The following ARFGAP3 variants were observed in gnomAD, a reference collection of about 807,000 sequenced individuals.
ARFGAP3 encodes ARF GTPase activating protein 3.
In ARFGAP3, 72 loss-of-function variants were observed where a neutral mutation model predicts 75.0. That is an observed-to-expected ratio of 0.96 (90% confidence interval 0.79 to 1.17). ARFGAP3 has a LOEUF of 1.17. Among genes scored for constraint, ARFGAP3 ranks in the 50% most tolerant of loss-of-function variants. The probability of loss-of-function intolerance (pLI) is 0.00; values close to 1 mark genes in which losing one functional copy is unlikely to be tolerated. For missense variants in ARFGAP3, 620 were observed against 626.6 expected (o/e 0.99, Z 0.11); for synonymous variants, 221 against 217.9 (o/e 1.01, Z -0.13).
intron 3 of ARFGAP3, among the ~76,000 whole-genome samples, chr22:42,837,838 G>A (rs1484622192): frequency 6.6e-6 from 1 of 151,402 alleles, no homozygotes; most frequent in African/African-American, 2.4e-5. Context: ...GCACCACTAT[G>A]CCTGGCTAAT....
chr22:42,801,924 T>C (rs1347646995), intron 14 of ARFGAP3, among the ~76,000 whole-genome samples: 1 of 152,006 alleles, frequency 6.6e-6, no homozygotes, highest in Non-Finnish European at 1.5e-5. Context: ...AAGAAGAGCA[T>C]TCTGGGCTGG....
chr22:42,809,811 T>G (rs966224543), intron 12 of ARFGAP3, among the ~76,000 whole-genome samples: 34 of 151,270 alleles, frequency 2.2e-4, no homozygotes, highest in East Asian at 3.9e-4. Context: ...AGACCATCCT[T>G]GCTAACATGG....
At chr22:42,823,219 A>G (rs1853760399) in intron 8 of ARFGAP3, among the ~76,000 whole-genome samples, 1 of 152,100 alleles carries the variant, frequency 6.6e-6, no homozygotes. Context: ...ATATAAGTTA[A>G]GGAATGTGGC....
In ARFGAP3 at chr22:42,822,416, C is replaced by T. The variant is rs779276036; in HGVS notation, c.673-7G>A. 5 of 1,613,346 alleles carry T rather than the reference C, an allele frequency of 3.1e-6. No homozygotes were observed. The highest frequency in any genetic ancestry group is 3.4e-6 in the Non-Finnish European group (4 of 1,179,824). On this transcript the variant is annotated splice_polypyrimidine_tract_variant and splice_region_variant and intron_variant, in intron 8 of 15. Coordinates refer to ENST00000263245, the MANE Select transcript of ARFGAP3 (RefSeq NM_014570.5). ...TTCCTTTTTTGGCCCCAAGCTAGAACATATATAAGACTATAGTCTACACGA... is the reference window on the plus strand; with the variant it reads ...TTCCTTTTTTGGCCCCAAGCTAGAATATATATAAGACTATAGTCTACACGA...
chr22:42,834,948 G>A (rs972704094), intron 4 of ARFGAP3, among the ~76,000 whole-genome samples: 1 of 152,230 alleles, frequency 6.6e-6, no homozygotes, highest in African/African-American at 2.4e-5. Flanking sequence ...CATGAAGGCT[G>A]TGATGTGCCT....
At chr22:42,849,086 G>T (rs916957299) in intron 1 of ARFGAP3, among the ~76,000 whole-genome samples, 1 of 152,280 alleles carries the variant, frequency 6.6e-6, no homozygotes, top group East Asian at 1.9e-4. Context: ...AACTGCCAGC[G>T]AGGAGAGGAG....
chr22:42,814,746 C>CT (rs1221489259), intron 11 of ARFGAP3, among the ~76,000 whole-genome samples: 1 of 151,868 alleles, frequency 6.6e-6, no homozygotes, highest in Non-Finnish European at 1.5e-5. Context: ...GAAACTTTCT[C>CT]TTTTTTTTGA....
chr22:42,837,675 C>CTTTTTTTTTTTTTTT (rs71186547), intron 3 of ARFGAP3, among the ~76,000 whole-genome samples: 921 of 75,646 alleles, frequency 0.012, 139 homozygotes, highest in East Asian at 0.051. Flanking sequence ...AGGCATACTT[C>CTTTTTTTTTTTTTTT]TTTTTTTTTT....
chr22:42,821,912 A>C (rs949508337), intron 9 of ARFGAP3, among the ~76,000 whole-genome samples: 14 of 152,126 alleles, frequency 9.2e-5, no homozygotes, highest in Non-Finnish European at 2.1e-4. Flanking sequence ...TGATTTTTTT[A>C]TTATAGCTTC....
chr22:42,826,950 C>T lies in ARFGAP3; in HGVS notation c.615G>A (p.Lys205=). 5 of 1,613,154 alleles carry T rather than the reference C, an allele frequency of 3.1e-6. No individual in the cohort carries two copies. The highest frequency in any genetic ancestry group is 4.2e-6 in the Non-Finnish European group (5 of 1,179,692). Residue 205 remains lysine (K), a synonymous_variant, in exon 7 of 16, where the codon AAG becomes AAA. Coordinates refer to ENST00000263245, the MANE Select transcript of ARFGAP3 (RefSeq NM_014570.5). ...PSVEGLNVPT[K]ATLEVSSIIK... ...TTTTAAGCATATTACCTAAAGTAGC[C>T]TTTGTTGGTACATTAAGACCTTCCA...
chr22:42,814,946 C>A (rs1172589320), intron 11 of ARFGAP3, among the ~76,000 whole-genome samples: 1 of 152,192 alleles, frequency 6.6e-6, no homozygotes, highest in Non-Finnish European at 1.5e-5. Context: ...CTATATTTCC[C>A]AGTCTGGTCC....
At chr22:42,831,718 A>G in intron 5 of ARFGAP3, 82 bp from the exon 6 acceptor site, 1 of 1,588,274 alleles carries the variant, frequency 6.3e-7, no homozygotes, top group Non-Finnish European at 8.6e-7. Context: ...GGAAAAACCT[A>G]ACAATTTAAA....
At chr22:42,831,666 G>A in intron 5 of ARFGAP3, 30 bp from the exon 6 acceptor site, 1 of 1,612,206 alleles carries the variant, frequency 6.2e-7, no homozygotes, top group Non-Finnish European at 8.5e-7. Flanking sequence ...GTCATTAGCA[G>A]ACAAAGCAAG....
intron 2 of ARFGAP3, among the ~76,000 whole-genome samples, chr22:42,845,139 GAA>G (rs1168127664): frequency 6.6e-6 from 1 of 152,224 alleles, no homozygotes; most frequent in Admixed American, 6.5e-5. Flanking sequence ...AAGACAGAAG[GAA>G]GAGAAGTAAC....
Position 42,815,736 on chromosome 22 carries a change from C to T in ARFGAP3, c.1064+1406G>A, listed in dbSNP as rs575659238. On this transcript the variant is annotated intron_variant, in intron 11 of 15. Coordinates refer to ENST00000263245, the MANE Select transcript of ARFGAP3 (RefSeq NM_014570.5). ...CCTTCCAGTAAGCACCGCCCATTTC[C>T]GACAGGAACACCTTCAGTTTTCATG... is the stretch of plus-strand genomic sequence containing the variant. Among the ~76,000 whole-genome samples the T allele has an allele frequency of 6.6e-5, 10 of 152,286 alleles. No individual in the cohort carries two copies. The South Asian group carries it at 8.3e-4, about 13-fold the overall frequency.
At chr22:42,847,364 T>C (rs150942787) in intron 2 of ARFGAP3, 150 bp downstream of exon 2, 13 of 641,526 alleles carry the variant, frequency 2.0e-5, no homozygotes, top group South Asian at 1.4e-4. Context: ...TGAGTTCACT[T>C]GAGCCCAGTG....
chr22:42,807,090 G>C lies in ARFGAP3; in HGVS notation c.1394C>G (p.Pro465Arg). The C allele has an allele frequency of 6.2e-7, 1 of 1,611,332 alleles. No individual in the cohort carries two copies. The change falls in exon 14 of 16, where the codon CCG becomes CGG. Residue 465 changes from proline to arginine, a missense_variant. Transcript: ENST00000263245. ...SISSADLFEE[P>R]RKQPAGNYSL... The stretch of plus-strand genomic sequence containing the variant: ...CCCCCTACCTGCTGGCTGCTTCCTC[G>C]GCTCCTCGAACAGATCAGCCGAGCT...
intron 1 of ARFGAP3, among the ~76,000 whole-genome samples, chr22:42,849,939 G>C (rs1217664999): frequency 6.6e-6 from 1 of 152,074 alleles, no homozygotes; most frequent in Non-Finnish European, 1.5e-5. Context: ...CTGAATAGTT[G>C]TGTACTTTTA....
At chr22:42,799,275 C>A in intron 14 of ARFGAP3, 115 bp from the exon 15 acceptor site, 1 of 1,524,520 alleles carries the variant, frequency 6.6e-7, no homozygotes, top group East Asian at 2.3e-5. Context: ...CTCCTGCTGC[C>A]TCACAAGGGG....
Sources: gnomAD v4.1 joint callset for allele counts (sites outside exome capture counted in the v4.1 genomes callset) on GRCh38, gnomAD v4.1.1 for gene constraint, MANE v1.5 for transcripts, NCBI Gene and HGNC (gene_info 2026-07-23, HGNC 2026-07-21) for gene names.